The following ANKRD13C variants were observed in gnomAD, a reference collection of about 807,000 sequenced individuals.
The protein encoded by ANKRD13C is ankyrin repeat domain 13C.
A neutral mutation model predicts 65.5 loss-of-function variants in ANKRD13C; 16 were observed. The ratio of observed to expected loss-of-function variants is 0.24; its 90% CI spans 0.17 to 0.37. The LOEUF (loss-of-function observed/expected upper bound fraction) is 0.37, where lower values mean the gene tolerates loss of function less well. Among genes scored for constraint, ANKRD13C ranks in the 10% least tolerant of loss-of-function variants. The pLI, the probability that ANKRD13C is intolerant of heterozygous loss-of-function variation, is 1.00. For missense variants in ANKRD13C, 503 were observed against 655.9 expected, an observed-to-expected ratio of 0.77 and a Z score of 2.55; for synonymous variants, 235 against 238.7, an observed-to-expected ratio of 0.98 and a Z score of 0.14.
rs1391417915 is a variant in ANKRD13C at position 70,354,550 on chromosome 1, ACAAACG to A, written c.-148_-143del. The A allele has an allele frequency of 1.4e-6, 2 of 1,434,820 alleles. No individual in the cohort carries two copies. Among genetic ancestry groups the A allele is most frequent in the Non-Finnish European group, 1.8e-6 (2 of 1,099,026 alleles). 88.9% of individuals were successfully genotyped at this position (1,434,820 alleles called of 1,614,324 possible). On this transcript the variant is annotated 5_prime_UTR_variant, in exon 1 of 13. Coordinates refer to ENST00000370944, the MANE Select transcript of ANKRD13C (RefSeq NM_030816.5). ...CTCCCACTGAGCCCCCGAGCCTGGG[ACAAACG>A]CATCTCCCGGGGAAGAGCCGGCTCT... is the stretch of plus-strand genomic sequence containing the variant.
intron 1 of ANKRD13C, among the ~76,000 whole-genome samples, chr1:70,343,395 A>G (rs1342346988): frequency 1.3e-5 from 2 of 152,228 alleles, no homozygotes; most frequent in East Asian, 3.8e-4. Context: ...TACACAAAGG[A>G]TAATAAAAAC....
At chr1:70,267,609 A>G (rs34467894) in intron 12 of ANKRD13C, among the ~76,000 whole-genome samples, 16,455 of 152,106 alleles carry the variant, frequency 0.11, 1,114 homozygotes, top group Non-Finnish European at 0.15. Flanking sequence ...ATTTACATTT[A>G]ATGGTATTAT....
intron 6 of ANKRD13C, among the ~76,000 whole-genome samples, chr1:70,302,658 G>A (rs1227781998): frequency 9.4e-6 from 1 of 106,492 alleles, no homozygotes; most frequent in African/African-American, 4.1e-5. Context: ...CCCGGGAGGC[G>A]GAGCTTGCAG....
intron 5 of ANKRD13C, among the ~76,000 whole-genome samples, chr1:70,309,447 G>A (rs1364629526): frequency 6.7e-6 from 1 of 150,310 alleles, no homozygotes; most frequent in Non-Finnish European, 1.5e-5. Context: ...GGCCGGGCGC[G>A]GTGGCTCAAG....
At chr1:70,312,369 T>G (rs1470878223) in intron 5 of ANKRD13C, among the ~76,000 whole-genome samples, 1 of 130,240 alleles carries the variant, frequency 7.7e-6, no homozygotes, top group Non-Finnish European at 1.6e-5. Context: ...TCTATTACTG[T>G]TTTTTTTTTT....
intron 3 of ANKRD13C, among the ~76,000 whole-genome samples, chr1:70,317,856 G>T (rs1681137398): frequency 1.3e-5 from 2 of 151,972 alleles, no homozygotes; most frequent in African/African-American, 4.8e-5. Context: ...GATAAAAAGG[G>T]TCTTTCAATA....
rs1210704216 is a variant in ANKRD13C, at chr1:70,262,734, G to A, written c.1609C>T (p.Arg537Cys). 3.1e-6 allele frequency: 5 copies of A among 1,612,170 alleles called. No homozygotes were observed. In the African/African-American group the frequency reaches 4.0e-5, roughly 13 times the overall value. ...IPDDYKEDPS[R>C]FPDL Reference sequence around the variant, plus strand: ...CACGTCAGTTAAAGATCAGGAAAACGGCTTGGGTCTTCCTTGTAGTCATCA... The same window carrying A: ...CACGTCAGTTAAAGATCAGGAAAACAGCTTGGGTCTTCCTTGTAGTCATCA... The change falls in exon 13 of 13, where the codon CGT (arginine) becomes TGT (cysteine). Residue 537 changes from arginine (R) to cysteine (C), a missense_variant. By Grantham distance (180) the Arg-to-Cys change is radical. Transcript: ENST00000370944.
chr1:70,354,431 G>A lies in ANKRD13C; in HGVS notation c.-23C>T. ...CATCGCCGCCGCCAGGGGCAAGGGG[G>A]GGAATCGGGAGGCTCACCGCTGGCG... On this transcript the variant is annotated 5_prime_UTR_variant, in exon 1 of 13. Transcript: ENST00000370944. 3 of 1,599,344 alleles carry A rather than the reference G, an allele frequency of 1.9e-6. No homozygotes were observed. The highest frequency in any genetic ancestry group is 2.6e-6 in the Non-Finnish European group (3 of 1,172,406).
intron 1 of ANKRD13C, among the ~76,000 whole-genome samples, chr1:70,351,339 T>C (rs1282644651): frequency 6.6e-6 from 1 of 152,244 alleles, no homozygotes; most frequent in African/African-American, 2.4e-5. Flanking sequence ...GAGTGTCTTA[T>C]TCTGCTATGC....
intron 12 of ANKRD13C, among the ~76,000 whole-genome samples, chr1:70,270,467 C>T (rs959469493): frequency 1.3e-5 from 2 of 152,086 alleles, no homozygotes; most frequent in African/African-American, 2.4e-5. Flanking sequence ...CTTTTTGGCA[C>T]GAGGGATCTG....
intron 9 of ANKRD13C, among the ~76,000 whole-genome samples, chr1:70,288,289 C>A (rs576806286): frequency 6.6e-6 from 1 of 152,196 alleles, no homozygotes; most frequent in Non-Finnish European, 1.5e-5. Flanking sequence ...CATTCATACA[C>A]TGCTGATGGG....
At chr1:70,304,045 C>A (rs1680486594) in intron 6 of ANKRD13C, among the ~76,000 whole-genome samples, 1 of 151,970 alleles carries the variant, frequency 6.6e-6, no homozygotes, top group South Asian at 2.1e-4. Flanking sequence ...CCTGTTTTAA[C>A]TTTTGTGTGT....
chr1:70,332,954 A>G (rs1193756023), intron 2 of ANKRD13C, among the ~76,000 whole-genome samples: 2 of 152,188 alleles, frequency 1.3e-5, no homozygotes, highest in Admixed American at 6.5e-5. Context: ...ATTAACTACT[A>G]AAGTGCTAAA....
chr1:70,339,819 T>C (rs890335310), intron 1 of ANKRD13C, among the ~76,000 whole-genome samples: 2 of 22,228 alleles, frequency 9.0e-5, no homozygotes, highest in African/African-American at 3.2e-4. Context: ...ACGTTTATTA[T>C]TATTATTATT....
At chr1:70,320,688 C>T (rs1681268195) in intron 3 of ANKRD13C, among the ~76,000 whole-genome samples, 1 of 151,850 alleles carries the variant, frequency 6.6e-6, no homozygotes, top group African/African-American at 2.4e-5. Flanking sequence ...CCTATAATTC[C>T]TAATTTTCTA....
At chr1:70,339,777 G>C (rs76671735) in intron 1 of ANKRD13C, among the ~76,000 whole-genome samples, 3,097 of 149,846 alleles carry the variant, frequency 0.021, 88 homozygotes, top group African/African-American at 0.067. Context: ...CCTAATATCT[G>C]TTATTTGTGC....
intron 6 of ANKRD13C, chr1:70,305,550 T>C (rs1680551404): frequency 6.6e-6 from 1 of 152,064 alleles, no homozygotes; most frequent in Admixed American, 6.6e-5. Context: ...TGCACATATA[T>C]ACATAAAAGT....
chr1:70,267,622 A>G (rs1678687440), intron 12 of ANKRD13C, among the ~76,000 whole-genome samples: 3 of 152,082 alleles, frequency 2.0e-5, no homozygotes, highest in African/African-American at 7.2e-5. Flanking sequence ...GGTATTATTA[A>G]TATGTTAGGG....
rs114181213 is a variant in ANKRD13C, at chr1:70,276,479, A to G, written c.1295+286T>C. Among the ~76,000 whole-genome samples the G allele has an allele frequency of 7.0e-3, 1,067 of 152,314 alleles. 13 individuals are homozygous for G. The highest frequency in any genetic ancestry group is 0.024 in the African/African-American group (997 of 41,580). Reference sequence around the variant, plus strand: ...AAGCAACTGTCCTGCGCAATTTCCTATATCATATTTCCTTAGAACAGTGTC... The same window carrying G: ...AAGCAACTGTCCTGCGCAATTTCCTGTATCATATTTCCTTAGAACAGTGTC... On this transcript the variant is annotated intron_variant, in intron 10 of 12. Transcript: ENST00000370944.
Sources: allele counts gnomAD v4.1 joint callset (sites outside exome capture counted in the v4.1 genomes callset), GRCh38; gene constraint gnomAD v4.1.1; transcripts MANE v1.5; gene names NCBI Gene and HGNC (gene_info 2026-07-23, HGNC 2026-07-21).